Variants in CACNA1D observed in about 807,000 individuals in gnomAD.
The protein encoded by CACNA1D is calcium voltage-gated channel subunit alpha1 D.
A neutral mutation model predicts 257.1 loss-of-function variants in CACNA1D; 55 were observed. The observed-to-expected ratio is 0.21, with a 90% confidence interval of 0.17 to 0.27. The LOEUF is 0.27. Ranked by LOEUF, CACNA1D falls within the 10% of genes least tolerant of loss-of-function variation. CACNA1D has a pLI of 1.00. For synonymous variants in CACNA1D, 980 were observed against 1,014.9 expected (o/e 0.97, Z 0.65); for missense variants, 1,876 against 2,784.0 (o/e 0.67, Z 7.34).
chr3:53,529,105 T>C (rs183940201), intron 3 of CACNA1D, among the ~76,000 whole-genome samples: 6 of 152,246 alleles, frequency 3.9e-5, no homozygotes, highest in Admixed American at 2.6e-4. Context: ...ACTCAGAAAG[T>C]GTTTATTCTT....
intron 3 of CACNA1D, among the ~76,000 whole-genome samples, chr3:53,599,229 G>A (rs1420806867): frequency 6.6e-6 from 1 of 152,040 alleles, no homozygotes; most frequent in Non-Finnish European, 1.5e-5. Context: ...CCAGATAAAG[G>A]CAATATGTTT....
At chr3:53,708,003 G>T (rs1044576136) in intron 9 of CACNA1D, among the ~76,000 whole-genome samples, 4 of 152,238 alleles carry the variant, frequency 2.6e-5, no homozygotes, top group Non-Finnish European at 5.9e-5. Flanking sequence ...TGCTTCTTCA[G>T]TGGTCCTGGA....
chr3:53,798,302 TGTGTGC>T (rs1491135381), intron 40 of CACNA1D, among the ~76,000 whole-genome samples: 1 of 102,040 alleles, frequency 9.8e-6, no homozygotes, highest in Admixed American at 1.2e-4. Context: ...AGTGTGTGTA[TGTGTGC>T]GTGTGTGTGT....
rs533260981 is a variant in CACNA1D at position 53,725,316 on chromosome 3, G to A, written c.2100+1317G>A. ...CTCCTTTGAAACGCTGCGTCCATGC[G>A]GTGGTAGATGTGCCGTTGTTCATAT... is the stretch of plus-strand genomic sequence containing the variant. On this transcript the variant is annotated intron_variant, in intron 14 of 47. Transcript: ENST00000350061. 4.6e-5 allele frequency among the ~76,000 whole-genome samples: 7 copies of A among 152,194 alleles called. No individual in the cohort carries two copies. The East Asian group carries it at 5.8e-4, about 13-fold the overall frequency.
Position 53,605,448 on chromosome 3 carries a change from T to G in CACNA1D, c.484-45331T>G, listed in dbSNP as rs141554966. On this transcript the variant is annotated intron_variant, in intron 3 of 47. Transcript: ENST00000350061. ...TGAAGTGATTGAATGAGCAGCACAC[T>G]GAAAGCTAGCTGTCAAATCTGTAAT... is the stretch of plus-strand genomic sequence containing the variant. Among the ~76,000 whole-genome samples, 790 of 152,344 alleles carry G rather than the reference T, an allele frequency of 5.2e-3. 3 individuals carry two copies. Among genetic ancestry groups the G allele is most frequent in the Non-Finnish European group, 8.1e-3 (553 of 68,028 alleles).
At chr3:53,594,353 G>A (rs1039077509) in intron 3 of CACNA1D, among the ~76,000 whole-genome samples, 4 of 152,172 alleles carry the variant, frequency 2.6e-5, no homozygotes, top group African/African-American at 9.7e-5. Context: ...GGATAAGCTC[G>A]ATCCCAGGTT....
chr3:53,762,873 A>T (rs1426438707), intron 30 of CACNA1D, among the ~76,000 whole-genome samples: 4 of 152,254 alleles, frequency 2.6e-5, no homozygotes, highest in Non-Finnish European at 5.9e-5. Context: ...TAGTATTTCA[A>T]AAGATCTAAT....
chr3:53,734,436 GTATGTTTTATATA>G (rs2095037319), intron 19 of CACNA1D, among the ~76,000 whole-genome samples: 1 of 151,692 alleles, frequency 6.6e-6, no homozygotes. Context: ...ATATTTATGT[GTATGTTTTATATA>G]TATGTTTTAT....
intron 30 of CACNA1D, among the ~76,000 whole-genome samples, chr3:53,767,137 A>G (rs1232779051): frequency 1.3e-5 from 2 of 152,106 alleles, no homozygotes; most frequent in Non-Finnish European, 2.9e-5. Flanking sequence ...CCCACTCTGT[A>G]TGGCCGCTCG....
chr3:53,700,283 T>G (rs2094610944), intron 8 of CACNA1D, among the ~76,000 whole-genome samples: 1 of 151,998 alleles, frequency 6.6e-6, no homozygotes, highest in South Asian at 2.1e-4. Context: ...GAATTTAGTA[T>G]TCTAAGTTCG....
intron 40 of CACNA1D, among the ~76,000 whole-genome samples, chr3:53,796,736 A>G (rs1397889192): frequency 6.6e-6 from 1 of 152,236 alleles, no homozygotes; most frequent in Non-Finnish European, 1.5e-5. Flanking sequence ...TCTACAGGCA[A>G]AGCGCCAACA....
chr3:53,591,292 G>A (rs755140981), intron 3 of CACNA1D, among the ~76,000 whole-genome samples: 4 of 151,910 alleles, frequency 2.6e-5, no homozygotes, highest in African/African-American at 9.7e-5. Flanking sequence ...TCACTCTGTT[G>A]CCAAGGCTGG....
At chr3:53,775,851 C>G (rs772665456) in intron 34 of CACNA1D, 35 bp from the exon 35 acceptor site, 1 of 1,608,940 alleles carries the variant, frequency 6.2e-7, no homozygotes. Context: ...CCTTCTTTCC[C>G]CCACTAAAGC....
chr3:53,809,686 T>A (rs1317768717), intron 46 of CACNA1D: 11 of 475,784 alleles, frequency 2.3e-5, no homozygotes, highest in Non-Finnish European at 3.5e-5. Context: ...CTTGTTGGGC[T>A]TCCCTGATTC....
rs1559521932 is a variant in CACNA1D, at chr3:53,691,711, TATATATATTACATATATA to T, written c.1221-10921_1221-10904del. On this transcript the variant is annotated intron_variant, in intron 8 of 47. Coordinates refer to ENST00000350061, the MANE Select transcript of CACNA1D (RefSeq NM_001128840.3). ...TTGCAGATATATATTACATATATAA[TATATATATTACATATATA>T]ATATATATATTACATATATAATATA... Among the ~76,000 whole-genome samples, 4 of 48,192 alleles carry T rather than the reference TATATATATTACATATATA, an allele frequency of 8.3e-5. 1 individual carries two copies. The highest frequency in any genetic ancestry group is 1.5e-4 in the Non-Finnish European group (4 of 26,564). The allele number at this position is 48,192 out of a possible 152,430, so 31.6% of individuals were successfully genotyped here. A position where few individuals can be genotyped will look rare whatever the true frequency, so the allele number is the denominator to read the frequency against.
In CACNA1D at chr3:53,800,411, AG is replaced by A. The variant is rs1302201375; in HGVS notation, c.5040+49del. ...TACACACTGGCCATCTGGAAATAGCAGGGCAGGACTCCAGTTTGGGCAGTTA... is the reference window on the plus strand; with the variant it reads ...TACACACTGGCCATCTGGAAATAGCAGGCAGGACTCCAGTTTGGGCAGTTA... On this transcript the variant is annotated intron_variant, in intron 41 of 47. Coordinates refer to ENST00000350061, the MANE Select transcript of CACNA1D (RefSeq NM_001128840.3). This position sits in a 1 kb window ranked among gnomAD's most constrained non-coding sequence, Gnocchi z 4.3. The A allele has an allele frequency of 8.0e-7, 1 of 1,248,516 alleles. No individual in the cohort carries two copies. 77.3% of individuals were successfully genotyped at this position (1,248,516 alleles called of 1,614,324 possible).
chr3:53,592,839 C>T (rs1374710682), intron 3 of CACNA1D, among the ~76,000 whole-genome samples: 1 of 152,080 alleles, frequency 6.6e-6, no homozygotes, highest in Non-Finnish European at 1.5e-5. Flanking sequence ...AGGTGCCTGC[C>T]ACCACGCCCA....
chr3:53,526,571 G>A lies in CACNA1D; in HGVS notation c.483+24851G>A, dbSNP rs184109346. 7.8e-4 allele frequency among the ~76,000 whole-genome samples: 119 copies of A among 152,300 alleles called. 1 individual carries two copies. The highest frequency in any genetic ancestry group is 2.5e-4 in the Non-Finnish European group (17 of 68,034). On this transcript the variant is annotated intron_variant, in intron 3 of 47. Coordinates refer to ENST00000350061, the MANE Select transcript of CACNA1D (RefSeq NM_001128840.3). ...CTAACCTTAATGGTGATTACTGTTC[G>A]AGGTTTTTCAAACACATAGTGAATA...
intron 3 of CACNA1D, among the ~76,000 whole-genome samples, chr3:53,518,296 G>A (rs1432842567): frequency 2.0e-5 from 3 of 152,230 alleles, no homozygotes; most frequent in Admixed American, 6.5e-5. Context: ...TGAACTCCTT[G>A]TGAGCAGGGA....
Sources: allele counts gnomAD v4.1 joint callset (sites outside exome capture counted in the v4.1 genomes callset), GRCh38; gene constraint gnomAD v4.1.1; non-coding constraint Gnocchi (gnomAD v3.1); transcripts MANE v1.5; gene names NCBI Gene and HGNC (gene_info 2026-07-23, HGNC 2026-07-21).